The following CDC14A variants were observed in gnomAD, a reference collection of about 807,000 sequenced individuals.
CDC14A encodes the protein dual specificity protein phosphatase CDC14A.
CDC14A carries 53 observed loss-of-function variants against 74.4 expected under a neutral mutation model. The ratio of observed to expected loss-of-function variants is 0.71; its 90% CI spans 0.57 to 0.89. The LOEUF is 0.89. Ranked by LOEUF, CDC14A falls within the 40% of genes least tolerant of loss-of-function variation. CDC14A has a pLI of 0.00. For synonymous variants in CDC14A, 247 were observed against 258.4 expected, an observed-to-expected ratio of 0.96 and a Z score of 0.43; for missense variants, 646 against 713.7, an observed-to-expected ratio of 0.91 and a Z score of 1.08.
intron 4 of CDC14A, among the ~76,000 whole-genome samples, chr1:100,394,533 A>G (rs1015219220): frequency 1.3e-5 from 2 of 152,202 alleles, no homozygotes; most frequent in Non-Finnish European, 2.9e-5. Flanking sequence ...GCTTGTCACA[A>G]AATACTCTGT....
At chr1:100,456,414 C>A (rs1666690093) in intron 8 of CDC14A, among the ~76,000 whole-genome samples, 1 of 146,988 alleles carries the variant, frequency 6.8e-6, no homozygotes, top group Non-Finnish European at 1.5e-5. Context: ...GAAAAAATAT[C>A]CATGAACAAA....
At chr1:100,470,139 A>T (rs1668251380) in intron 10 of CDC14A, among the ~76,000 whole-genome samples, 1 of 152,236 alleles carries the variant, frequency 6.6e-6, no homozygotes, top group Non-Finnish European at 1.5e-5. Flanking sequence ...CATCATGACC[A>T]TCATGGCTCA....
chr1:100,460,253 C>G (rs11803701), intron 8 of CDC14A, among the ~76,000 whole-genome samples: 41,730 of 152,118 alleles, frequency 0.27, 7,683 homozygotes, highest in African/African-American at 0.52. Flanking sequence ...AATTTCTGTC[C>G]AGTGTTTTCT....
intron 5 of CDC14A, among the ~76,000 whole-genome samples, chr1:100,433,931 A>T (rs1391756530): frequency 1.3e-5 from 2 of 152,206 alleles, no homozygotes; most frequent in African/African-American, 4.8e-5. Flanking sequence ...AGCCTATATA[A>T]GACAGTGCTG....
At chr1:100,441,344 C>T (rs1383881826) in intron 6 of CDC14A, among the ~76,000 whole-genome samples, 1 of 152,176 alleles carries the variant, frequency 6.6e-6, no homozygotes, top group Non-Finnish European at 1.5e-5. Flanking sequence ...TGAGACATTT[C>T]CTGTAAGTTC....
At chr1:100,446,597 G>T (rs617150) in intron 7 of CDC14A, among the ~76,000 whole-genome samples, 5,410 of 152,248 alleles carry the variant, frequency 0.036, 261 homozygotes, top group African/African-American at 0.11. Flanking sequence ...ACCTAAAATA[G>T]CATTTAACAT....
intron 15 of CDC14A, among the ~76,000 whole-genome samples, chr1:100,515,095 C>T (rs1650075308): frequency 6.6e-6 from 1 of 152,130 alleles, no homozygotes; most frequent in South Asian, 2.1e-4. Flanking sequence ...TTAGGTCCCA[C>T]CAGGCACTCA....
intron 10 of CDC14A, among the ~76,000 whole-genome samples, chr1:100,468,770 G>A (rs534275591): frequency 1.2e-4 from 19 of 152,216 alleles, no homozygotes; most frequent in African/African-American, 2.2e-4. Context: ...ATGTTAGAAT[G>A]TATCTCAATG....
At position 100,370,783 on chromosome 1, in the gene CDC14A, TATTTGGCCTTATTTTGGTTCCATATG is replaced by T. The variant is rs573271978; in HGVS notation, c.141-6761_141-6736del. Reference sequence around the variant, plus strand: ...TGTTCTTTTTGCTTATTGCTTTGACTATTTGGCCTTATTTTGGTTCCATATGAATTTTAGAATAGTTTTTTTTCTAA... The same window carrying T: ...TGTTCTTTTTGCTTATTGCTTTGACTAATTTTAGAATAGTTTTTTTTCTAA... On this transcript the variant is annotated intron_variant, in intron 2 of 15. Coordinates refer to ENST00000336454, the MANE Select transcript of CDC14A (RefSeq NM_003672.4). 7.9e-5 allele frequency among the ~76,000 whole-genome samples: 12 copies of T among 152,304 alleles called. No individual in the cohort carries two copies. In the South Asian group the frequency reaches 2.5e-3, roughly 32 times the overall value.
intron 4 of CDC14A, chr1:100,423,843 A>G: frequency 5.4e-6 from 1 of 184,098 alleles, no homozygotes; most frequent in East Asian, 1.2e-4. Context: ...TTCAAAATTT[A>G]CCAGGCACTG....
intron 4 of CDC14A, among the ~76,000 whole-genome samples, chr1:100,409,335 A>G (rs1660366725): frequency 1.3e-5 from 2 of 152,142 alleles, no homozygotes; most frequent in Non-Finnish European, 2.9e-5. Flanking sequence ...CAGCCAAACC[A>G]TATCATTCCA....
chr1:100,507,726 C>T (rs1649364718), intron 15 of CDC14A, among the ~76,000 whole-genome samples: 1 of 152,024 alleles, frequency 6.6e-6, no homozygotes, highest in Non-Finnish European at 1.5e-5. Flanking sequence ...GGCTAGAGTG[C>T]AATCTCAGCT....
chr1:100,348,281 CA>C (rs59269474), upstream of CDC14A, among the ~76,000 whole-genome samples: 3,412 of 87,188 alleles, frequency 0.039, 63 homozygotes, highest in African/African-American at 0.079. Context: ...GACTCCATTT[CA>C]AAAAAAAAAA....
chr1:100,474,081 C>CT (rs763532342), intron 10 of CDC14A, among the ~76,000 whole-genome samples: 15 of 152,078 alleles, frequency 9.9e-5, no homozygotes, highest in Non-Finnish European at 2.2e-4. Context: ...TTGTCAAATA[C>CT]TTTTTTGGCA....
intron 2 of CDC14A, among the ~76,000 whole-genome samples, chr1:100,354,169 T>C (rs572059964): frequency 3.9e-4 from 60 of 152,314 alleles, no homozygotes; most frequent in African/African-American, 1.3e-3. Context: ...ACTCAGTAAT[T>C]GGCCTGTGAA....
chr1:100,495,985 G>A lies in CDC14A; in HGVS notation c.1251-17G>A, dbSNP rs1414141390. The A allele has an allele frequency of 3.1e-6, 5 of 1,612,560 alleles. No homozygotes were observed. The highest frequency in any genetic ancestry group is 3.3e-5 in the Admixed American group (2 of 60,006). On this transcript the variant is annotated splice_polypyrimidine_tract_variant and intron_variant, in intron 12 of 15. Coordinates refer to ENST00000336454, the MANE Select transcript of CDC14A (RefSeq NM_003672.4). ...GTGCCCTGGTGATATGTGAGCATCT[G>A]TCTTTGATTTCCGCAGGTCAGATGA...
chr1:100,362,369 A>C (rs1241963932), intron 2 of CDC14A, among the ~76,000 whole-genome samples: 1 of 152,206 alleles, frequency 6.6e-6, no homozygotes, highest in Admixed American at 6.5e-5. Context: ...TCAAACCTAC[A>C]GTGCTATAAA....
At chr1:100,373,811 A>C (rs1307154896) in intron 2 of CDC14A, among the ~76,000 whole-genome samples, 1 of 149,482 alleles carries the variant, frequency 6.7e-6, no homozygotes, top group Non-Finnish European at 1.5e-5. Flanking sequence ...CTTTTTTTTT[A>C]TTATTATTAT....
chr1:100,371,601 TATTGG>T (rs1181375389), intron 2 of CDC14A, among the ~76,000 whole-genome samples: 1 of 152,212 alleles, frequency 6.6e-6, no homozygotes, highest in Non-Finnish European at 1.5e-5. Context: ...GTGTCACATT[TATTGG>T]TTTGCATATG....
Sources: allele counts gnomAD v4.1 joint callset (sites outside exome capture counted in the v4.1 genomes callset), GRCh38; gene constraint gnomAD v4.1.1; transcripts MANE v1.5; gene names NCBI Gene and HGNC (gene_info 2026-07-23, HGNC 2026-07-21).